ACSL1: variants seen among roughly 807,000 people sequenced by gnomAD.
The protein encoded by ACSL1 is acyl-CoA synthetase long chain family member 1, also known as long-chain-fatty-acid--CoA ligase 1.
A neutral mutation model predicts 98.4 loss-of-function variants in ACSL1; 41 were observed. The observed-to-expected ratio is 0.42, with a 90% CI of 0.32 to 0.54. The LOEUF (loss-of-function observed/expected upper bound fraction) is 0.54, where lower values mean the gene tolerates loss of function less well. Ranked by LOEUF, ACSL1 falls within the 20% of genes least tolerant of loss-of-function variation. The pLI is 0.13. For missense variants in ACSL1, 734 were observed against 883.1 expected (o/e 0.83, Z 2.14); for synonymous variants, 316 against 322.7 (o/e 0.98, Z 0.22).
intron 1 of ACSL1, among the ~76,000 whole-genome samples, chr4:184,813,006 G>A (rs1772275172): frequency 6.6e-6 from 1 of 152,114 alleles, no homozygotes; most frequent in African/African-American, 2.4e-5. Flanking sequence ...CTGACAACAG[G>A]ATATGCCCAA....
chr4:184,819,090 G>C (rs1436052941), intron 1 of ACSL1, among the ~76,000 whole-genome samples: 4 of 151,862 alleles, frequency 2.6e-5, no homozygotes, highest in Non-Finnish European at 4.4e-5. Flanking sequence ...TGTGGGACAA[G>C]GAATGGCATT....
rs768084443 is a variant in ACSL1 at position 184,773,163 on chromosome 4, C to T, written c.842-9G>A. On this transcript the variant is annotated splice_polypyrimidine_tract_variant and intron_variant, in intron 9 of 20. Coordinates refer to ENST00000281455, the MANE Select transcript of ACSL1 (RefSeq NM_001995.5). This position sits in a 1 kb window ranked among gnomAD's most constrained non-coding sequence, Gnocchi z 4.3. ...TGCTCCTTTGGGGTTGCCTGTGGAG[C>T]ACATATGAAGCAGAACAAAGTTAAA... 6.2e-7 allele frequency: 1 copy of T among 1,611,704 alleles called. No individual in the cohort carries two copies. The highest frequency in any genetic ancestry group is 1.1e-5 in the South Asian group (1 of 90,988).
chr4:184,796,816 A>G (rs1294851634), intron 2 of ACSL1, among the ~76,000 whole-genome samples: 2 of 152,234 alleles, frequency 1.3e-5, no homozygotes, highest in African/African-American at 2.4e-5. Context: ...AAATGACTGT[A>G]GAAACAGTAT....
In ACSL1 at chr4:184,811,536, C is replaced by CA. The variant is rs1300736397; in HGVS notation, c.-32-7991dup. On this transcript the variant is annotated intron_variant, in intron 1 of 20. Transcript: ENST00000281455. Reference sequence around the variant, plus strand: ...AAAAGAAGGAAATTTGGATACATGCCATGACATGGATGAAGCAAAGGACAA... The same window carrying CA: ...AAAAGAAGGAAATTTGGATACATGCCAATGACATGGATGAAGCAAAGGACAA... Among the ~76,000 whole-genome samples, 3 of 152,160 alleles carry CA rather than the reference C, an allele frequency of 2.0e-5. No individual in the cohort carries two copies. The East Asian group carries it at 5.8e-4, about 29-fold the overall frequency.
rs1773357207 is a variant in ACSL1 at position 184,825,023 on chromosome 4, C to A, written c.-33+893G>T. 4.7e-6 allele frequency: 1 copy of A among 213,284 alleles called. No homozygotes were observed. The highest frequency in any genetic ancestry group is 8.1e-6 in the Non-Finnish European group (1 of 123,966). The allele number at this position is 213,284 out of a possible 1,614,324, so 13.2% of individuals were successfully genotyped here. On this transcript the variant is annotated intron_variant, in intron 1 of 20. Transcript: ENST00000281455. The surrounding 1 kb of genome is among the most constrained non-coding windows in gnomAD (Gnocchi z 4.7). ...AGACAGGGCAGTGAGAGTCGCGGGA[C>A]TTTAGACACTCCTGCACCAAGAAGC... is the stretch of plus-strand genomic sequence containing the variant.
intron 18 of ACSL1, 91 bp downstream of exon 18, chr4:184,760,266 G>C: frequency 1.4e-6 from 2 of 1,417,686 alleles, no homozygotes; most frequent in Non-Finnish European, 1.9e-6. Flanking sequence ...AGTGATAGGC[G>C]TCTCAAACTT....
chr4:184,788,195 G>C (rs1767728763), intron 3 of ACSL1, among the ~76,000 whole-genome samples: 1 of 152,160 alleles, frequency 6.6e-6, no homozygotes, highest in South Asian at 2.1e-4. Flanking sequence ...AATCCCATGA[G>C]CCAACATTTC....
At chr4:184,818,150 A>G (rs1203747405) in intron 1 of ACSL1, among the ~76,000 whole-genome samples, 3 of 152,190 alleles carry the variant, frequency 2.0e-5, no homozygotes, top group African/African-American at 4.8e-5. Flanking sequence ...GGGATGCCTC[A>G]GAAGCTTGCC....
chr4:184,801,965 T>G (rs1189720161), intron 2 of ACSL1, among the ~76,000 whole-genome samples: 2 of 152,178 alleles, frequency 1.3e-5, no homozygotes, highest in Non-Finnish European at 2.9e-5. Context: ...TGCCAACAAC[T>G]CTTCATGGAG....
At chr4:184,813,645 GAAAGCT>G (rs1772341708) in intron 1 of ACSL1, 2 of 306,002 alleles carry the variant, frequency 6.5e-6, no homozygotes, top group Non-Finnish European at 1.4e-5. Flanking sequence ...CTGTTATTAC[GAAAGCT>G]AAAGAAGGAA....
chr4:184,822,820 T>C (rs1773170898), intron 1 of ACSL1, among the ~76,000 whole-genome samples: 2 of 152,198 alleles, frequency 1.3e-5, no homozygotes, highest in Non-Finnish European at 2.9e-5. Context: ...TAGTTTTCTC[T>C]TCTTGCCATT....
At chr4:184,774,407 A>C (rs75003904) in intron 7 of ACSL1, among the ~76,000 whole-genome samples, 3,774 of 152,222 alleles carry the variant, frequency 0.025, 157 homozygotes, top group African/African-American at 0.085. Flanking sequence ...ATCTGCTCAA[A>C]TATCTCCCCT....
At chr4:184,769,345 G>A (rs1214985660) in intron 11 of ACSL1, among the ~76,000 whole-genome samples, 1 of 152,030 alleles carries the variant, frequency 6.6e-6, no homozygotes, top group African/African-American at 2.4e-5. Context: ...ATATGGACCT[G>A]ACAGTTTGCC....
In ACSL1 at chr4:184,768,126, C is replaced by T. The variant is rs1020068726; in HGVS notation, c.1128+190G>A. On this transcript the variant is annotated intron_variant, in intron 12 of 20. Transcript: ENST00000281455. ...TACAAAGTGTGTTCATGCATTTTCTCTTATAATCCTTATCAGCCACTCTGA... is the reference window on the plus strand; with the variant it reads ...TACAAAGTGTGTTCATGCATTTTCTTTTATAATCCTTATCAGCCACTCTGA... 14 of 572,304 alleles carry T rather than the reference C, an allele frequency of 2.4e-5. No homozygotes were observed. In the East Asian group the frequency reaches 3.0e-4, roughly 12 times the overall value. The allele number at this position is 572,304 out of a possible 1,614,324, so 35.5% of individuals were successfully genotyped here.
At chr4:184,763,359 G>A (rs923344813) in intron 15 of ACSL1, 104 bp from the exon 16 acceptor site, 1 of 1,042,250 alleles carries the variant, frequency 9.6e-7, no homozygotes, top group South Asian at 1.5e-5. Context: ...AAAACGGCTG[G>A]GATAAACTTC....
At chr4:184,816,611 C>T (rs555555039) in intron 1 of ACSL1, among the ~76,000 whole-genome samples, 165 of 152,218 alleles carry the variant, frequency 1.1e-3, no homozygotes, top group Admixed American at 8.6e-3. Context: ...CAAATCTATT[C>T]AAAAGTAGAC....
In ACSL1 at chr4:184,756,407, C is replaced by T. The variant is rs1762126112; in HGVS notation, c.*718G>A. On this transcript the variant is annotated 3_prime_UTR_variant, in exon 21 of 21. Transcript: ENST00000281455. ...AGGCCTGGAGAACCGAGTCCAAGAGCATTCTGCCATGAAAGAGAATCCACG... is the reference window on the plus strand; with the variant it reads ...AGGCCTGGAGAACCGAGTCCAAGAGTATTCTGCCATGAAAGAGAATCCACG... 1 of 152,612 alleles carries T rather than the reference C, an allele frequency of 6.6e-6. No individual in the cohort carries two copies. Among genetic ancestry groups the T allele is most frequent in the South Asian group, 2.1e-4 (1 of 4,830 alleles). The allele number at this position is 152,612 out of a possible 1,614,324, so 9.5% of individuals were successfully genotyped here.
intron 1 of ACSL1, among the ~76,000 whole-genome samples, chr4:184,815,370 A>AT (rs1312217586): frequency 1.3e-5 from 2 of 152,132 alleles, no homozygotes; most frequent in East Asian, 3.9e-4. Flanking sequence ...TCTCTCTCCC[A>AT]TGACAGCATT....
chr4:184,820,037 C>T (rs538637155), intron 1 of ACSL1, among the ~76,000 whole-genome samples: 1 of 152,258 alleles, frequency 6.6e-6, no homozygotes, highest in African/African-American at 2.4e-5. Context: ...ATTCTTTGAA[C>T]AGGCACAGGG....
Sources: allele counts gnomAD v4.1 joint callset (sites outside exome capture counted in the v4.1 genomes callset), GRCh38; gene constraint gnomAD v4.1.1; non-coding constraint Gnocchi (gnomAD v3.1); transcripts MANE v1.5; gene names NCBI Gene and HGNC (gene_info 2026-07-23, HGNC 2026-07-21).